Variants in KCNIP4 observed in about 807,000 individuals in gnomAD.
The protein encoded by KCNIP4 is potassium voltage-gated channel interacting protein 4, also known as Kv channel-interacting protein 4.
A neutral mutation model predicts 34.0 loss-of-function variants in KCNIP4; 12 were observed. The ratio of observed to expected loss-of-function variants is 0.35; its 90% CI spans 0.23 to 0.57. The LOEUF (loss-of-function observed/expected upper bound fraction) is 0.57. KCNIP4 is among the 20% of genes least tolerant of loss of function. The pLI is 0.83. For missense variants in KCNIP4, 238 were observed against 311.7 expected, an observed-to-expected ratio of 0.76 and a Z score of 1.78; for synonymous variants, 124 against 102.2, an observed-to-expected ratio of 1.21 and a Z score of -1.29.
chr4:20,939,328 T>C (rs769093740), intron 1 of KCNIP4, among the ~76,000 whole-genome samples: 3 of 152,166 alleles, frequency 2.0e-5, no homozygotes, highest in Non-Finnish European at 4.4e-5. Flanking sequence ...GATGCTTCCC[T>C]CATTGCTAGA....
intron 1 of KCNIP4, among the ~76,000 whole-genome samples, chr4:21,334,885 T>C (rs547263876): frequency 6.6e-6 from 1 of 152,284 alleles, no homozygotes; most frequent in East Asian, 1.9e-4. Flanking sequence ...ATATAATACA[T>C]TGTTTTGATC....
intron 1 of KCNIP4, among the ~76,000 whole-genome samples, chr4:20,916,912 T>G (rs1728865262): frequency 6.7e-6 from 1 of 148,382 alleles, no homozygotes; most frequent in Non-Finnish European, 1.5e-5. Flanking sequence ...TTATTTTTCC[T>G]TACCTCCCCT....
intron 1 of KCNIP4, among the ~76,000 whole-genome samples, chr4:21,811,913 A>G (rs1362452059): frequency 6.6e-6 from 1 of 152,222 alleles, no homozygotes; most frequent in Admixed American, 6.5e-5. Flanking sequence ...GGCAGTTAAT[A>G]GTGGAGGTTG....
chr4:21,392,375 C>G (rs536596398), intron 1 of KCNIP4, among the ~76,000 whole-genome samples: 1 of 152,178 alleles, frequency 6.6e-6, no homozygotes, highest in Non-Finnish European at 1.5e-5. Context: ...ACCTTGATAG[C>G]ATTAGCTCCA....
chr4:21,375,842 C>T (rs1039561701), intron 1 of KCNIP4, among the ~76,000 whole-genome samples: 8 of 152,162 alleles, frequency 5.3e-5, no homozygotes, highest in Admixed American at 6.5e-5. Context: ...GCTGGGATTA[C>T]AGGCGTGAGC....
chr4:20,787,307 AT>A (rs1160308847), intron 3 of KCNIP4, among the ~76,000 whole-genome samples: 4 of 152,120 alleles, frequency 2.6e-5, no homozygotes, highest in Non-Finnish European at 1.5e-5. Context: ...ACCGCAATTT[AT>A]TTTTTAGGTG....
intron 1 of KCNIP4, among the ~76,000 whole-genome samples, chr4:21,691,811 G>A (rs1293502840): frequency 1.4e-5 from 2 of 146,600 alleles, no homozygotes; most frequent in Non-Finnish European, 1.5e-5. Context: ...TGATTCTCCT[G>A]CTTCAGCCTC....
chr4:21,687,226 G>T (rs1231726060), intron 1 of KCNIP4, among the ~76,000 whole-genome samples: 3 of 145,614 alleles, frequency 2.1e-5, no homozygotes, highest in African/African-American at 7.6e-5. Flanking sequence ...GCTAGATGAC[G>T]CGTTAGTGGG....
intron 1 of KCNIP4, among the ~76,000 whole-genome samples, chr4:21,879,760 G>A (rs1726357717): frequency 6.6e-6 from 1 of 151,834 alleles, no homozygotes; most frequent in Non-Finnish European, 1.5e-5. Flanking sequence ...TGGTTTCGCT[G>A]TGTCCTCACC....
Position 21,291,942 on chromosome 4 carries a change from AAAG to A in KCNIP4, c.62-409236_62-409234del, listed in dbSNP as rs1560260303. 2.0e-4 allele frequency among the ~76,000 whole-genome samples: 19 copies of A among 95,456 alleles called. 5 individuals are homozygous for A. Among genetic ancestry groups the A allele is most frequent in the African/African-American group, 1.0e-3 (14 of 13,946 alleles). The allele number at this position is 95,456 out of a possible 152,430, so 62.6% of individuals were successfully genotyped here. On this transcript the variant is annotated intron_variant, in intron 1 of 8. Transcript: ENST00000382152. ...AAGAAAGAAAGAAAGAAAGAAAAAA[AAAG>A]AAAAAAGTCTGATGAATAAATCTTC...
At chr4:21,499,346 A>AAAC (rs1491409328) in intron 1 of KCNIP4, among the ~76,000 whole-genome samples, 1 of 148,660 alleles carries the variant, frequency 6.7e-6, no homozygotes, top group African/African-American at 2.5e-5. Context: ...AAAAAAAAAA[A>AAAC]CAACTACATA....
intron 1 of KCNIP4, among the ~76,000 whole-genome samples, chr4:21,588,844 A>T (rs777185547): frequency 6.6e-6 from 1 of 151,674 alleles, no homozygotes; most frequent in Non-Finnish European, 1.5e-5. Context: ...AATTAGTAAT[A>T]AGTCACTACG....
chr4:21,476,696 CTA>C (rs1239801542), intron 1 of KCNIP4, among the ~76,000 whole-genome samples: 4 of 152,184 alleles, frequency 2.6e-5, no homozygotes, highest in African/African-American at 9.7e-5. Context: ...TAATATGAGT[CTA>C]TGTGCTAAAC....
intron 1 of KCNIP4, among the ~76,000 whole-genome samples, chr4:21,054,199 A>G (rs1330470703): frequency 6.6e-6 from 1 of 152,098 alleles, no homozygotes; most frequent in Non-Finnish European, 1.5e-5. Context: ...GCACCACTCA[A>G]CTTCAAGATT....
In KCNIP4 at chr4:21,735,589, G is replaced by A. The variant is rs79300397; in HGVS notation, c.61+212982C>T. ...GAGGATTTGCACTCAGGAGTTCAGC[G>A]AAGCCTCCAAAATAAAGATTTGTTT... On this transcript the variant is annotated intron_variant, in intron 1 of 8. Transcript: ENST00000382152. Among the ~76,000 whole-genome samples, 18 of 152,202 alleles carry A rather than the reference G, an allele frequency of 1.2e-4. 2 individuals carry two copies. The East Asian group carries it at 2.3e-3, about 20-fold the overall frequency.
chr4:20,926,883 C>T (rs1729952651), intron 1 of KCNIP4, among the ~76,000 whole-genome samples: 1 of 152,104 alleles, frequency 6.6e-6, no homozygotes, highest in Non-Finnish European at 1.5e-5. Flanking sequence ...ATTGCACAGC[C>T]AAAAATAAAT....
At chr4:21,083,324 C>A (rs992984874) in intron 1 of KCNIP4, among the ~76,000 whole-genome samples, 3 of 151,368 alleles carry the variant, frequency 2.0e-5, no homozygotes, top group South Asian at 2.1e-4. Flanking sequence ...TAGACTTTAC[C>A]TTTGCAATAG....
intron 3 of KCNIP4, among the ~76,000 whole-genome samples, chr4:20,797,977 G>T (rs910765335): frequency 6.6e-6 from 1 of 152,186 alleles, no homozygotes; most frequent in East Asian, 1.9e-4. Context: ...AGTGTTTTTA[G>T]CCTCTAAGTT....
intron 1 of KCNIP4, among the ~76,000 whole-genome samples, chr4:21,945,529 T>C (rs1323682462): frequency 6.6e-6 from 1 of 152,224 alleles, no homozygotes; most frequent in African/African-American, 2.4e-5. Flanking sequence ...AAAGCCACGA[T>C]ACATCCATCA....
Sources: allele counts gnomAD v4.1 joint callset (sites outside exome capture counted in the v4.1 genomes callset), GRCh38; gene constraint gnomAD v4.1.1; transcripts MANE v1.5; gene names NCBI Gene and HGNC (gene_info 2026-07-23, HGNC 2026-07-21).